QTMAN: variants seen among roughly 807,000 people sequenced by gnomAD.
The protein encoded by QTMAN is tRNA-queuosine alpha-mannosyltransferase.
chr2:144,002,524 T>C, the QTMAN span, among the ~76,000 whole-genome samples: 2 of 152,008 alleles, frequency 1.3e-5, no homozygotes, highest in African/African-American at 2.4e-5. Flanking sequence ...TTTTGAAAAA[T>C]TGCATTTAAA....
chr2:144,042,005 T>C, the QTMAN span, among the ~76,000 whole-genome samples: 1 of 152,126 alleles, frequency 6.6e-6, no homozygotes, highest in African/African-American at 2.4e-5. Context: ...TACCAAGTCA[T>C]GAAGGTCCCA....
the QTMAN span, among the ~76,000 whole-genome samples, chr2:144,116,867 C>G: frequency 6.6e-6 from 1 of 152,254 alleles, no homozygotes; most frequent in Non-Finnish European, 1.5e-5. Context: ...GAGCTCAGGT[C>G]TTACTTGAGA....
chr2:144,116,999 T>G, the QTMAN span, among the ~76,000 whole-genome samples: 1 of 152,196 alleles, frequency 6.6e-6, no homozygotes, highest in Non-Finnish European at 1.5e-5. Flanking sequence ...AGATCTCATG[T>G]GAAGCAGTCA....
the QTMAN span, among the ~76,000 whole-genome samples, chr2:144,073,885 C>T: frequency 1.4e-4 from 21 of 152,076 alleles, no homozygotes; most frequent in Non-Finnish European, 2.2e-4. Flanking sequence ...GGCATTGTGC[C>T]CTATGCAGGA....
At chr2:144,191,379 T>C in the QTMAN span, among the ~76,000 whole-genome samples, 1 of 152,174 alleles carries the variant, frequency 6.6e-6, no homozygotes, top group Admixed American at 6.5e-5. Context: ...CATTACTATA[T>C]GCGGGCAGGG....
At chr2:143,983,495 T>G in the QTMAN span, among the ~76,000 whole-genome samples, 26 of 135,680 alleles carry the variant, frequency 1.9e-4, no homozygotes, top group Non-Finnish European at 3.1e-5. Flanking sequence ...TTTTTTGAGA[T>G]GGAGTCTTGC....
At chr2:144,094,730 T>C in the QTMAN span, among the ~76,000 whole-genome samples, 1 of 152,288 alleles carries the variant, frequency 6.6e-6, no homozygotes, top group East Asian at 1.9e-4. Flanking sequence ...GAGATTTGGG[T>C]GGGGACACAC....
At chr2:144,099,687 A>C in the QTMAN span, among the ~76,000 whole-genome samples, 1 of 151,930 alleles carries the variant, frequency 6.6e-6, no homozygotes, top group East Asian at 1.9e-4. Flanking sequence ...CCACATCAAA[A>C]CTCACCAAAA....
the QTMAN span, among the ~76,000 whole-genome samples, chr2:144,289,924 A>C: frequency 1.3e-5 from 2 of 152,194 alleles, no homozygotes; most frequent in African/African-American, 4.8e-5. Context: ...TTCAGCCTAA[A>C]GGTTTCTCCA....
the QTMAN span, among the ~76,000 whole-genome samples, chr2:144,119,396 C>G: frequency 2.0e-5 from 3 of 152,276 alleles, no homozygotes; most frequent in East Asian, 5.8e-4. Context: ...ATGAAAATAC[C>G]TTCCTGCTCC....
chr2:144,142,278 G>T, the QTMAN span, among the ~76,000 whole-genome samples: 14 of 151,964 alleles, frequency 9.2e-5, no homozygotes, highest in Non-Finnish European at 1.9e-4. Flanking sequence ...GATTTGAAAG[G>T]CAACAGGGAA....
the QTMAN span, among the ~76,000 whole-genome samples, chr2:144,059,384 C>T: frequency 2.0e-5 from 3 of 152,130 alleles, no homozygotes; most frequent in Admixed American, 2.0e-4. Flanking sequence ...ACAGACTAAT[C>T]ATTAAGGATA....
At chr2:143,974,433 A>G in the QTMAN span, among the ~76,000 whole-genome samples, 1 of 152,242 alleles carries the variant, frequency 6.6e-6, no homozygotes, top group Non-Finnish European at 1.5e-5. Context: ...CCATCTGTAA[A>G]TGACCTAATG....
the QTMAN span, among the ~76,000 whole-genome samples, chr2:144,210,362 A>G: frequency 0.1 from 15,363 of 152,184 alleles, 943 homozygotes; most frequent in South Asian, 0.17. Context: ...AGCCCATCCC[A>G]CCATTAGTAT....
At chr2:144,290,535 T>C in the QTMAN span, among the ~76,000 whole-genome samples, 1 of 152,134 alleles carries the variant, frequency 6.6e-6, no homozygotes, top group Non-Finnish European at 1.5e-5. Flanking sequence ...CTTAAAATCC[T>C]CTGGCTTTCC....
chr2:144,294,648 A>G, the QTMAN span, among the ~76,000 whole-genome samples: 5 of 152,086 alleles, frequency 3.3e-5, no homozygotes, highest in Non-Finnish European at 5.9e-5. Context: ...TTTGTTTAAC[A>G]TTGGGTGAAA....
chr2:144,032,662 T>A, the QTMAN span, among the ~76,000 whole-genome samples: 5 of 152,146 alleles, frequency 3.3e-5, no homozygotes, highest in Non-Finnish European at 5.9e-5. Flanking sequence ...GGAGAAGAAG[T>A]ACATAAAGTG....
chr2:144,326,896 A>G, the QTMAN span, among the ~76,000 whole-genome samples: 1 of 152,156 alleles, frequency 6.6e-6, no homozygotes, highest in African/African-American at 2.4e-5. Context: ...GTTATTTTAT[A>G]TATACCACAC....
the QTMAN span, among the ~76,000 whole-genome samples, chr2:144,265,644 C>T: frequency 6.6e-6 from 1 of 151,628 alleles, no homozygotes; most frequent in Non-Finnish European, 1.5e-5. Flanking sequence ...TGCAGTGAGC[C>T]GAGATCACAC....
Sources: gnomAD v4.1 joint callset for allele counts (sites outside exome capture counted in the v4.1 genomes callset) on GRCh38, gnomAD v4.1.1 for gene constraint, MANE v1.5 for transcripts, NCBI Gene and HGNC (gene_info 2026-07-23, HGNC 2026-07-21) for gene names.